The following ATXN7L1 variants were observed in gnomAD, a reference collection of about 807,000 sequenced individuals.
ATXN7L1 encodes ataxin 7 like 1.
ATXN7L1 carries 15 observed loss-of-function variants against 70.8 expected under a neutral mutation model. The ratio of observed to expected loss-of-function variants is 0.21; its 90% CI spans 0.14 to 0.33. The LOEUF is 0.33. Among genes scored for constraint, ATXN7L1 ranks in the 10% least tolerant of loss-of-function variants. The pLI is 1.00. For synonymous variants in ATXN7L1, 440 were observed against 445.1 expected (o/e 0.99, Z 0.14); for missense variants, 975 against 1,097.1 (o/e 0.89, Z 1.57).
chr7:105,668,818 C>T (rs956305959), intron 3 of ATXN7L1, among the ~76,000 whole-genome samples: 15 of 152,096 alleles, frequency 9.9e-5, no homozygotes, highest in Non-Finnish European at 2.1e-4. Context: ...GTGGGTGGAT[C>T]GCTTGAGCCT....
At chr7:105,777,086 A>T (rs1053389899) in intron 3 of ATXN7L1, among the ~76,000 whole-genome samples, 1 of 152,202 alleles carries the variant, frequency 6.6e-6, no homozygotes, top group African/African-American at 2.4e-5. Flanking sequence ...GGTGGGACTC[A>T]GCGATGCCCA....
chr7:105,720,784 G>A (rs1372837830), intron 3 of ATXN7L1, among the ~76,000 whole-genome samples: 2 of 152,096 alleles, frequency 1.3e-5, no homozygotes, highest in Non-Finnish European at 1.5e-5. Flanking sequence ...CTCTACCGCA[G>A]AGGAGTTGGT....
chr7:105,609,125 T>G (rs1792933682), intron 11 of ATXN7L1, among the ~76,000 whole-genome samples: 1 of 152,148 alleles, frequency 6.6e-6, no homozygotes, highest in South Asian at 2.1e-4. Flanking sequence ...CATCAGAGGC[T>G]TTTGAGAGAG....
chr7:105,790,674 A>ACTATCTATCTACTAT, intron 2 of ATXN7L1, among the ~76,000 whole-genome samples: 1 of 113,308 alleles, frequency 8.8e-6, no homozygotes, highest in East Asian at 2.6e-4. Flanking sequence ...CTATCTATCT[A>ACTATCTATCTACTAT]CTATCTATCT....
At chr7:105,757,049 C>T (rs1799887942) in intron 3 of ATXN7L1, among the ~76,000 whole-genome samples, 1 of 152,162 alleles carries the variant, frequency 6.6e-6, no homozygotes, top group Non-Finnish European at 1.5e-5. Context: ...ACAAATACTA[C>T]CTTCAAAACC....
At chr7:105,864,545 C>T (rs1467515431) in intron 2 of ATXN7L1, among the ~76,000 whole-genome samples, 3 of 150,652 alleles carry the variant, frequency 2.0e-5, no homozygotes, top group African/African-American at 7.3e-5. Context: ...CAGCCTGGGG[C>T]CGGGGGCACG....
intron 3 of ATXN7L1, among the ~76,000 whole-genome samples, chr7:105,738,533 G>A (rs957342927): frequency 4.6e-5 from 7 of 152,142 alleles, no homozygotes; most frequent in East Asian, 1.9e-4. Flanking sequence ...CTTGATATTC[G>A]TTAACTGATT....
chr7:105,711,851 C>T (rs928067355), intron 3 of ATXN7L1, among the ~76,000 whole-genome samples: 2 of 152,240 alleles, frequency 1.3e-5, no homozygotes, highest in African/African-American at 4.8e-5. Context: ...TTGTGTGGGG[C>T]TTCCAACCCC....
chr7:105,713,921 G>T (rs576943680), intron 3 of ATXN7L1, among the ~76,000 whole-genome samples: 14 of 152,340 alleles, frequency 9.2e-5, no homozygotes, highest in Middle Eastern at 3.4e-3. Flanking sequence ...ACGACCCAGG[G>T]ATTTGAGAAC....
chr7:105,644,456 C>A (rs1562944695), intron 4 of ATXN7L1, among the ~76,000 whole-genome samples: 1 of 152,288 alleles, frequency 6.6e-6, no homozygotes, highest in East Asian at 1.9e-4. Flanking sequence ...CCTGGGGCTT[C>A]AAGTCCCATG....
At chr7:105,784,286 G>A (rs1346107738) in intron 3 of ATXN7L1, among the ~76,000 whole-genome samples, 2 of 151,956 alleles carry the variant, frequency 1.3e-5, no homozygotes, top group Admixed American at 6.6e-5. Context: ...AGTTATTGTC[G>A]GAACTGAATT....
In ATXN7L1 at chr7:105,641,214, C is replaced by CTCTTTTTTTTTTTTTTTTTTTTT. The variant is rs1316374331; in HGVS notation, c.862+1623_862+1624insAAAAAAAAAAAAAAAAAAAAAGA. Reference sequence around the variant, plus strand: ...GCCTTTTCTCTCTCTCTCTCTCTCTCTTTTTTTTTTTTTTTTTTTTTTTTT... The same window carrying CTCTTTTTTTTTTTTTTTTTTTTT: ...GCCTTTTCTCTCTCTCTCTCTCTCTCTCTTTTTTTTTTTTTTTTTTTTTTTTTTTTTTTTTTTTTTTTTTTTTT... On this transcript the variant is annotated intron_variant, in intron 5 of 11. Coordinates refer to ENST00000419735, the MANE Select transcript of ATXN7L1 (RefSeq NM_020725.2). 3.7e-4 allele frequency among the ~76,000 whole-genome samples: 8 copies of CTCTTTTTTTTTTTTTTTTTTTTT among 21,796 alleles called. 2 individuals carry two copies. Among genetic ancestry groups the CTCTTTTTTTTTTTTTTTTTTTTT allele is most frequent in the Non-Finnish European group, 5.1e-4 (6 of 11,654 alleles). 14.3% of individuals were successfully genotyped at this position (21,796 alleles called of 152,430 possible). A position where few individuals can be genotyped will look rare whatever the true frequency, so the allele number is the denominator to read the frequency against.
chr7:105,617,018 G>A (rs956449023), intron 9 of ATXN7L1, among the ~76,000 whole-genome samples: 4 of 152,098 alleles, frequency 2.6e-5, no homozygotes, highest in African/African-American at 9.7e-5. Context: ...ACTTTGAATG[G>A]GATCCATTTT....
chr7:105,796,667 G>A (rs1227251374), intron 2 of ATXN7L1, among the ~76,000 whole-genome samples: 2 of 152,168 alleles, frequency 1.3e-5, no homozygotes, highest in Non-Finnish European at 2.9e-5. Flanking sequence ...CTGGTCCTAA[G>A]AGTCTTCCTT....
At chr7:105,691,859 C>G (rs1391624077) in intron 3 of ATXN7L1, among the ~76,000 whole-genome samples, 1 of 152,166 alleles carries the variant, frequency 6.6e-6, no homozygotes, top group African/African-American at 2.4e-5. Context: ...ACTGTTTTGA[C>G]TACACGCACT....
chr7:105,790,674 A>ATCTACTAT (rs1554464837), intron 2 of ATXN7L1, among the ~76,000 whole-genome samples: 2 of 113,236 alleles, frequency 1.8e-5, no homozygotes, highest in Admixed American at 9.2e-5. Flanking sequence ...CTATCTATCT[A>ATCTACTAT]CTATCTATCT....
Position 105,624,120 on chromosome 7 carries a change from C to G in ATXN7L1, c.1350G>C (p.Glu450Asp). The G allele has an allele frequency of 6.6e-7, 1 of 1,519,462 alleles. No homozygotes were observed. Among genetic ancestry groups the G allele is most frequent in the Non-Finnish European group, 8.9e-7 (1 of 1,128,332 alleles). The allele number at this position is 1,519,462 out of a possible 1,614,324, so 94.1% of individuals were successfully genotyped here. Residue 450 changes from glutamate to aspartate, a missense_variant, in exon 8 of 12, where the codon GAG (glutamate) becomes GAC (aspartate). Coordinates refer to ENST00000419735, the MANE Select transcript of ATXN7L1 (RefSeq NM_020725.2). ...GCGTGGAGAACTGACAGTCTAGCTT[C>G]TCGGATTCGTCGGCTCCGTCCATCT... is the stretch of plus-strand genomic sequence containing the variant. ...EGEMDGADESEKLDCQFSTHH... is the reference protein window; with the variant it reads ...EGEMDGADESDKLDCQFSTHH...
Position 105,811,471 on chromosome 7 carries a change from G to A in ATXN7L1, c.251-22763C>T, listed in dbSNP as rs116448856. 2.4e-3 allele frequency among the ~76,000 whole-genome samples: 362 copies of A among 152,186 alleles called. 1 individual carries two copies. The highest frequency in any genetic ancestry group is 8.3e-3 in the African/African-American group (344 of 41,510). ...CATCTAGTTTGTGGTACTTTGTTGC[G>A]GCAGCCCTAGCAAACTATTACAGGG... On this transcript the variant is annotated intron_variant, in intron 2 of 11. Transcript: ENST00000419735.
intron 2 of ATXN7L1, among the ~76,000 whole-genome samples, chr7:105,789,134 G>T (rs1320094590): frequency 6.6e-6 from 1 of 152,240 alleles, no homozygotes; most frequent in African/African-American, 2.4e-5. Context: ...GTGTCTGGCT[G>T]GGGACAGAAG....
Sources: allele counts gnomAD v4.1 joint callset (sites outside exome capture counted in the v4.1 genomes callset), GRCh38; gene constraint gnomAD v4.1.1; transcripts MANE v1.5; gene names NCBI Gene and HGNC (gene_info 2026-07-23, HGNC 2026-07-21).